The following MTUS1 variants were observed in gnomAD, a reference collection of about 807,000 sequenced individuals.
The protein encoded by MTUS1 is microtubule-associated tumor suppressor 1.
A neutral mutation model predicts 120.8 loss-of-function variants in MTUS1; 109 were observed. That is an observed-to-expected ratio of 0.90 (90% CI 0.77 to 1.06). The LOEUF is 1.06. Among genes scored for constraint, MTUS1 ranks in the 50% least tolerant of loss-of-function variants. MTUS1 has a pLI of 0.00. For missense variants in MTUS1, 2,210 were observed against 1,486.3 expected, an observed-to-expected ratio of 1.49 and a Z score of -8.01; for synonymous variants, 737 against 550.5, an observed-to-expected ratio of 1.34 and a Z score of -4.74.
At chr8:17,742,696 C>T (rs2047432361) in intron 3 of MTUS1, among the ~76,000 whole-genome samples, 1 of 152,150 alleles carries the variant, frequency 6.6e-6, no homozygotes, top group Non-Finnish European at 1.5e-5. Context: ...CTAAGCATTA[C>T]AGGCTTTCAC....
chr8:17,755,886 T>G lies in MTUS1; in HGVS notation c.-79A>C. The G allele has an allele frequency of 6.6e-7, 1 of 1,521,846 alleles. No homozygotes were observed. Among genetic ancestry groups the G allele is most frequent in the Non-Finnish European group, 8.8e-7 (1 of 1,142,534 alleles). The allele number at this position is 1,521,846 out of a possible 1,614,324, so 94.3% of individuals were successfully genotyped here. A position where few individuals can be genotyped will look rare whatever the true frequency, so the allele number is the denominator to read the frequency against. On this transcript the variant is annotated 5_prime_UTR_variant, in exon 2 of 15. Coordinates refer to ENST00000693296, the MANE Select transcript of MTUS1 (RefSeq NM_001363059.2). Reference sequence around the variant, plus strand: ...AAATGAGAGGGTGGGCAAAATGGTCTGTCTTCTAGGTTTTTCAGCACAGTT... The same window carrying G: ...AAATGAGAGGGTGGGCAAAATGGTCGGTCTTCTAGGTTTTTCAGCACAGTT...
At chr8:17,657,333 C>A (rs1223432309) in intron 8 of MTUS1, among the ~76,000 whole-genome samples, 8 of 151,560 alleles carry the variant, frequency 5.3e-5, no homozygotes, top group Non-Finnish European at 1.0e-4. Flanking sequence ...CTTTGGGAGG[C>A]CGAGGCGGGC....
intron 1 of MTUS1, among the ~76,000 whole-genome samples, chr8:17,759,906 T>G (rs1328521331): frequency 1.3e-5 from 2 of 151,954 alleles, no homozygotes; most frequent in Non-Finnish European, 2.9e-5. Flanking sequence ...GTTTATGATT[T>G]TTTTTTAATT....
At chr8:17,714,803 A>C (rs1422956889) in intron 5 of MTUS1, among the ~76,000 whole-genome samples, 2 of 151,548 alleles carry the variant, frequency 1.3e-5, no homozygotes, top group Admixed American at 1.3e-4. Context: ...CTCTAACATA[A>C]ATGTGGGTCT....
At chr8:17,725,884 C>A (rs1330813346) in intron 3 of MTUS1, among the ~76,000 whole-genome samples, 1 of 152,142 alleles carries the variant, frequency 6.6e-6, no homozygotes. Context: ...AGATTGCACA[C>A]CCCAATCTAT....
intron 3 of MTUS1, among the ~76,000 whole-genome samples, chr8:17,743,114 G>C (rs1170876426): frequency 6.6e-6 from 1 of 151,862 alleles, no homozygotes; most frequent in Non-Finnish European, 1.5e-5. Context: ...CAAATTGTAA[G>C]ATACAAGCCA....
At position 17,684,408 on chromosome 8, in the gene MTUS1, G is replaced by A. The variant is rs1815299892; in HGVS notation, c.2758C>T (p.Leu920=). The A allele has an allele frequency of 1.2e-6, 2 of 1,614,028 alleles. No individual in the cohort carries two copies. Among genetic ancestry groups the A allele is most frequent in the African/African-American group, 1.3e-5 (1 of 74,902 alleles). The change falls in exon 7 of 15, where the codon CTG becomes TTG. Residue 920 remains leucine (L), a synonymous_variant. Coordinates refer to ENST00000693296, the MANE Select transcript of MTUS1 (RefSeq NM_001363059.2). ...TKCENQSGFI[L]QLKQLLACGN... ...CAGGCAAGAAGCTGCTTGAGCTGCA[G>A]GATAAATCCACTTTGGTTTTCACAT...
At chr8:17,689,093 C>T (rs1783807241) in intron 6 of MTUS1, among the ~76,000 whole-genome samples, 1 of 152,106 alleles carries the variant, frequency 6.6e-6, no homozygotes, top group Non-Finnish European at 1.5e-5. Flanking sequence ...TGCCTGTACT[C>T]CCAGCTACTC....
chr8:17,740,273 T>C (rs1034942405), intron 3 of MTUS1, among the ~76,000 whole-genome samples: 16 of 152,194 alleles, frequency 1.1e-4, no homozygotes, highest in African/African-American at 3.9e-4. Context: ...CAATTCCTTC[T>C]CACATTCATT....
At position 17,721,654 on chromosome 8, in the gene MTUS1, A is replaced by G. The variant is rs1029237645; in HGVS notation, c.2449+2018T>C. 4 of 1,506,146 alleles carry G rather than the reference A, an allele frequency of 2.7e-6. No individual in the cohort carries two copies. The African/African-American group carries it at 4.2e-5, about 16-fold the overall frequency. 93.3% of individuals were successfully genotyped at this position (1,506,146 alleles called of 1,614,324 possible). A position where few individuals can be genotyped will look rare whatever the true frequency, so the allele number is the denominator to read the frequency against. On this transcript the variant is annotated intron_variant, in intron 4 of 14. Transcript: ENST00000693296. ...AAGTCAAGAGATCCTAAATCAATTTATTGAATAAAAATTTAAGCATGCTTA... is the reference window on the plus strand; with the variant it reads ...AAGTCAAGAGATCCTAAATCAATTTGTTGAATAAAAATTTAAGCATGCTTA...
At chr8:17,780,186 G>A (rs1176019639) in intron 1 of MTUS1, among the ~76,000 whole-genome samples, 1 of 151,894 alleles carries the variant, frequency 6.6e-6, no homozygotes, top group South Asian at 2.1e-4. Flanking sequence ...TGCTCCACAA[G>A]GGACAGCCAA....
In MTUS1 at chr8:17,707,775, A is replaced by T. The variant is rs140715272; in HGVS notation, c.2623+5439T>A. On this transcript the variant is annotated intron_variant, in intron 6 of 14. Coordinates refer to ENST00000693296, the MANE Select transcript of MTUS1 (RefSeq NM_001363059.2). ...AGACAGTGTAGCACTGGCAAAGGTA[A>T]CATATAAATGCAAAGAACACAATTT... 3.1e-4 allele frequency among the ~76,000 whole-genome samples: 47 copies of T among 152,332 alleles called. No homozygotes were observed. In the East Asian group the frequency reaches 6.9e-3, roughly 22 times the overall value.
intron 6 of MTUS1, among the ~76,000 whole-genome samples, chr8:17,688,978 A>C (rs1483574346): frequency 2.6e-5 from 4 of 152,288 alleles, no homozygotes; most frequent in African/African-American, 9.6e-5. Flanking sequence ...TTGGGAGGCC[A>C]AGGCGGGCAG....
At chr8:17,675,410 T>C in intron 7 of MTUS1, 158 bp from the exon 8 acceptor site, 1 of 604,642 alleles carries the variant, frequency 1.7e-6, no homozygotes, top group South Asian at 2.8e-5. Flanking sequence ...AACACAGTTG[T>C]CCCTTAGCTG....
chr8:17,729,598 G>GA, intron 3 of MTUS1, among the ~76,000 whole-genome samples: 1 of 152,158 alleles, frequency 6.6e-6, no homozygotes, highest in Admixed American at 6.5e-5. Context: ...ATAAAAATGA[G>GA]AAAAATAAAA....
At chr8:17,790,249 G>C (rs1035007018) in intron 1 of MTUS1, among the ~76,000 whole-genome samples, 4 of 151,736 alleles carry the variant, frequency 2.6e-5, no homozygotes, top group African/African-American at 9.7e-5. Context: ...TCGGGAGGCT[G>C]AGGTAGGAGA....
At chr8:17,666,380 G>A (rs1268446507) in intron 8 of MTUS1, among the ~76,000 whole-genome samples, 1 of 152,058 alleles carries the variant, frequency 6.6e-6, no homozygotes, top group Non-Finnish European at 1.5e-5. Flanking sequence ...CAAAAAGGCT[G>A]CTAAAAGTCC....
chr8:17,719,186 G>A (rs438393), intron 4 of MTUS1, among the ~76,000 whole-genome samples: 19,571 of 152,006 alleles, frequency 0.13, 1,488 homozygotes, highest in Non-Finnish European at 0.16. Context: ...AAAGAAAAGG[G>A]CTTCTCATTG....
intron 4 of MTUS1, among the ~76,000 whole-genome samples, chr8:17,718,770 C>T (rs1054315284): frequency 2.0e-5 from 3 of 151,530 alleles, no homozygotes; most frequent in Admixed American, 2.0e-4. Flanking sequence ...TTCCCCATGG[C>T]CAAAGTGTGG....
Sources: gnomAD v4.1 joint callset for allele counts (sites outside exome capture counted in the v4.1 genomes callset) on GRCh38, gnomAD v4.1.1 for gene constraint, MANE v1.5 for transcripts, NCBI Gene and HGNC (gene_info 2026-07-23, HGNC 2026-07-21) for gene names.